The following IMMP1L variants were observed in gnomAD, a reference collection of about 807,000 sequenced individuals.
The protein encoded by IMMP1L is mitochondrial inner membrane protease subunit 1.
In IMMP1L, 24 loss-of-function variants were observed where a neutral mutation model predicts 21.8. The ratio of observed to expected loss-of-function variants is 1.10; its 90% confidence interval spans 0.80 to 1.55. The LOEUF is 1.55. Ranked by LOEUF, IMMP1L falls within the 40% of genes most tolerant of loss-of-function variation. IMMP1L has a pLI of 0.00. For synonymous variants in IMMP1L, 46 were observed against 62.8 expected, an observed-to-expected ratio of 0.73 and a Z score of 1.26; for missense variants, 195 against 200.7, an observed-to-expected ratio of 0.97 and a Z score of 0.17.
At chr11:31,491,881 T>C (rs866846853) in intron 1 of IMMP1L, among the ~76,000 whole-genome samples, 29 of 152,330 alleles carry the variant, frequency 1.9e-4, no homozygotes, top group African/African-American at 6.5e-4. Context: ...CCACACATTT[T>C]AAAATATTCA....
intron 1 of IMMP1L, among the ~76,000 whole-genome samples, chr11:31,500,625 A>ACACACT (rs1185892534): frequency 2.0e-5 from 3 of 151,442 alleles, no homozygotes; most frequent in Admixed American, 1.3e-4. Flanking sequence ...ACACACACAC[A>ACACACT]CACTCCCCAA....
At position 31,509,537 on chromosome 11, in the gene IMMP1L, C is replaced by G; in HGVS notation, c.-48G>C. The G allele has an allele frequency of 1.8e-6, 1 of 560,286 alleles. No individual in the cohort carries two copies. The highest frequency in any genetic ancestry group is 3.2e-6 in the Non-Finnish European group (1 of 311,780). 34.7% of individuals were successfully genotyped at this position (560,286 alleles called of 1,614,324 possible). A position where few individuals can be genotyped will look rare whatever the true frequency, so the allele number is the denominator to read the frequency against. The stretch of plus-strand genomic sequence containing the variant: ...TACCTACCTCGGGCCCCAAAGAACC[C>G]TGGAGACCCTCAACCAGGACACAGG... On this transcript the variant is annotated 5_prime_UTR_variant, in exon 1 of 6. Coordinates refer to ENST00000532287, the MANE Select transcript of IMMP1L (RefSeq NM_001304274.2).
chr11:31,468,095 G>C (rs1379562225), intron 1 of IMMP1L, among the ~76,000 whole-genome samples: 1 of 152,090 alleles, frequency 6.6e-6, no homozygotes, highest in Non-Finnish European at 1.5e-5. Context: ...CAAGAAAATA[G>C]AAGGACATGA....
chr11:31,456,876 C>CAAAAAAAAA (rs56849120), intron 3 of IMMP1L, among the ~76,000 whole-genome samples: 1 of 17,966 alleles, frequency 5.6e-5, no homozygotes, highest in Non-Finnish European at 1.1e-4. Flanking sequence ...ACCATGTCTC[C>CAAAAAAAAA]AAAAAAAAAA....
intron 4 of IMMP1L, chr11:31,448,836 A>G: frequency 1.9e-6 from 1 of 515,906 alleles, no homozygotes; most frequent in African/African-American, 2.1e-5. Context: ...AGCCTCAAAG[A>G]TTATTCTTTA....
intron 1 of IMMP1L, among the ~76,000 whole-genome samples, chr11:31,485,422 G>A (rs980515030): frequency 6.6e-5 from 10 of 151,728 alleles, no homozygotes; most frequent in Admixed American, 3.3e-4. Flanking sequence ...ATAAGGATAC[G>A]CAACCTATGT....
At chr11:31,433,315 T>A (rs1335401861) in intron 5 of IMMP1L, 145 bp downstream of exon 5, 1 of 522,886 alleles carries the variant, frequency 1.9e-6, no homozygotes, top group Non-Finnish European at 3.3e-6. Flanking sequence ...TGCATATGGC[T>A]ATTAAGTTAA....
At chr11:31,502,551 T>A (rs1270040525) in intron 1 of IMMP1L, among the ~76,000 whole-genome samples, 1 of 152,212 alleles carries the variant, frequency 6.6e-6, no homozygotes, top group Non-Finnish European at 1.5e-5. Context: ...GTAGATGTGA[T>A]TTTTTCATAT....
intron 5 of IMMP1L, among the ~76,000 whole-genome samples, chr11:31,433,244 C>T (rs1163363103): frequency 1.3e-5 from 2 of 152,028 alleles, no homozygotes; most frequent in Admixed American, 1.3e-4. Flanking sequence ...TAGGCTATAG[C>T]TAAGGTAGTT....
intron 1 of IMMP1L, among the ~76,000 whole-genome samples, chr11:31,482,633 A>C (rs1370091196): frequency 6.6e-6 from 1 of 152,034 alleles, no homozygotes; most frequent in Non-Finnish European, 1.5e-5. Flanking sequence ...ATATAAAGTA[A>C]AATCATTACG....
chr11:31,496,503 T>C (rs1163421861), intron 1 of IMMP1L, among the ~76,000 whole-genome samples: 1 of 152,014 alleles, frequency 6.6e-6, no homozygotes, highest in Non-Finnish European at 1.5e-5. Context: ...AAAACAGAGA[T>C]TCAAACAGAT....
At chr11:31,463,422 G>A (rs1269774905) in intron 1 of IMMP1L, 117 bp from the exon 2 acceptor site, 1 of 934,330 alleles carries the variant, frequency 1.1e-6, no homozygotes, top group Non-Finnish European at 1.5e-6. Flanking sequence ...ATACAATTTG[G>A]TGCAGGAAAC....
intron 1 of IMMP1L, among the ~76,000 whole-genome samples, chr11:31,473,035 TTTG>T (rs1240626956): frequency 1.1e-4 from 17 of 151,154 alleles, no homozygotes; most frequent in East Asian, 7.8e-4. Context: ...ACGGCTAATT[TTTG>T]TTGTTGTTGT....
chr11:31,448,815 TTAAGTC>T, intron 4 of IMMP1L: 1 of 354,276 alleles, frequency 2.8e-6, no homozygotes, highest in Non-Finnish European at 3.9e-6. Context: ...AGAAAACACT[TTAAGTC>T]TAGGAGCCTC....
chr11:31,437,410 C>G (rs1953161690), intron 4 of IMMP1L, among the ~76,000 whole-genome samples: 1 of 152,126 alleles, frequency 6.6e-6, no homozygotes, highest in Admixed American at 6.5e-5. Context: ...TGGCATCACA[C>G]AGGCACTCAA....
At chr11:31,444,478 G>C (rs984847795) in intron 4 of IMMP1L, among the ~76,000 whole-genome samples, 1 of 151,842 alleles carries the variant, frequency 6.6e-6, no homozygotes. Flanking sequence ...AATTAAAAAT[G>C]TACATTAATT....
intron 4 of IMMP1L, among the ~76,000 whole-genome samples, chr11:31,438,679 G>T (rs1425720152): frequency 6.6e-6 from 1 of 152,108 alleles, no homozygotes; most frequent in African/African-American, 2.4e-5. Context: ...TTCTGTGCAT[G>T]ATGTGAAGTA....
At position 31,456,241 on chromosome 11, in the gene IMMP1L, T is replaced by C. The variant is rs938724607; in HGVS notation, c.321+19A>G. 1 of 1,538,702 alleles carries C rather than the reference T, an allele frequency of 6.5e-7. No homozygotes were observed. Among genetic ancestry groups the C allele is most frequent in the African/African-American group, 1.4e-5 (1 of 73,112 alleles). ...ATCAATTATGACACCAAAAATAACA[T>C]AATTGAAATGTTACTTACATAACTA... On this transcript the variant is annotated intron_variant, in intron 4 of 5. Transcript: ENST00000532287.
chr11:31,459,935 T>C (rs768463826), intron 3 of IMMP1L, among the ~76,000 whole-genome samples: 24 of 151,910 alleles, frequency 1.6e-4, no homozygotes, highest in Admixed American at 2.6e-4. Context: ...GGTGAGCGGA[T>C]TGCTTGAGCT....
Sources: gnomAD v4.1 joint callset for allele counts (sites outside exome capture counted in the v4.1 genomes callset) on GRCh38, gnomAD v4.1.1 for gene constraint, MANE v1.5 for transcripts, NCBI Gene and HGNC (gene_info 2026-07-23, HGNC 2026-07-21) for gene names.